APP: variants seen among roughly 807,000 people sequenced by gnomAD.
The protein encoded by APP is amyloid-beta precursor protein.
APP carries 31 observed loss-of-function variants against 101.4 expected under a neutral mutation model. That is an observed-to-expected ratio of 0.31 (90% CI 0.23 to 0.41). The LOEUF (loss-of-function observed/expected upper bound fraction) is 0.41. APP is among the 10% of genes least tolerant of loss of function. APP has a pLI of 1.00. For missense variants in APP, 839 were observed against 1,003.7 expected, an observed-to-expected ratio of 0.84 and a Z score of 2.22; for synonymous variants, 366 against 364.4, an observed-to-expected ratio of 1.00 and a Z score of -0.05.
At chr21:25,973,135 A>G (rs2042095065) in intron 11 of APP, among the ~76,000 whole-genome samples, 1 of 151,740 alleles carries the variant, frequency 6.6e-6, no homozygotes, top group African/African-American at 2.4e-5. Context: ...AAGAGATAAA[A>G]TAGAATCATA....
intron 2 of APP, among the ~76,000 whole-genome samples, chr21:26,107,310 A>C (rs996636419): frequency 1.1e-4 from 17 of 152,298 alleles, no homozygotes; most frequent in Non-Finnish European, 2.4e-4. Context: ...ATGCAACTCA[A>C]GTGTGCTGGG....
intron 8 of APP, among the ~76,000 whole-genome samples, chr21:25,989,613 C>G (rs1313915354): frequency 6.6e-6 from 1 of 152,180 alleles, no homozygotes; most frequent in Admixed American, 6.5e-5. Context: ...ATATTAGATT[C>G]TAACAAGAAA....
chr21:25,898,529 C>T (rs2038230454), intron 15 of APP, among the ~76,000 whole-genome samples: 1 of 152,202 alleles, frequency 6.6e-6, no homozygotes, highest in Non-Finnish European at 1.5e-5. Context: ...CTTTTGAAGT[C>T]ATCTTCTCTA....
intron 13 of APP, among the ~76,000 whole-genome samples, chr21:25,928,523 A>C (rs1433638224): frequency 6.6e-6 from 1 of 152,200 alleles, no homozygotes; most frequent in Non-Finnish European, 1.5e-5. Context: ...TATGTCTGCA[A>C]CTTCCTTTAA....
intron 13 of APP, among the ~76,000 whole-genome samples, chr21:25,923,677 T>G (rs2039734234): frequency 7.3e-6 from 1 of 137,920 alleles, no homozygotes; most frequent in African/African-American, 2.8e-5. Context: ...AAAACCACTA[T>G]GAGATATCAT....
intron 3 of APP, among the ~76,000 whole-genome samples, chr21:26,081,454 C>T (rs947616454): frequency 3.3e-5 from 5 of 152,130 alleles, no homozygotes; most frequent in African/African-American, 1.2e-4. Flanking sequence ...CCAGGATGAG[C>T]CAGAAGAAGG....
chr21:26,170,872 A>T, upstream of APP: 2 of 399,026 alleles, frequency 5.0e-6, no homozygotes, highest in Non-Finnish European at 8.8e-6. Context: ...CCGCCGGGGA[A>T]CTGCGCCCGC....
At chr21:25,984,299 A>G (rs1274646682) in intron 8 of APP, among the ~76,000 whole-genome samples, 1 of 152,190 alleles carries the variant, frequency 6.6e-6, no homozygotes, top group Admixed American at 6.5e-5. Flanking sequence ...AAGAAAATAC[A>G]AACTAACAAA....
chr21:25,954,762 CTTTTTTTT>C, intron 12 of APP, 73 bp from the exon 13 acceptor site: 4 of 1,150,658 alleles, frequency 3.5e-6, no homozygotes, highest in Non-Finnish European at 4.9e-6. Flanking sequence ...TTCTTTTTTT[CTTTTTTTT>C]TTGAGACGGA....
At chr21:25,975,508 C>G (rs2042192003) in intron 10 of APP, among the ~76,000 whole-genome samples, 3 of 151,986 alleles carry the variant, frequency 2.0e-5, no homozygotes, top group Non-Finnish European at 4.4e-5. Context: ...TAAATATATG[C>G]ACTCTTGAAA....
At chr21:26,154,139 T>C (rs750829102) in intron 1 of APP, among the ~76,000 whole-genome samples, 4 of 152,198 alleles carry the variant, frequency 2.6e-5, no homozygotes, top group Non-Finnish European at 5.9e-5. Flanking sequence ...ATACTTTAAG[T>C]GTAACTGGGT....
At chr21:26,131,410 C>T (rs1313314392) in intron 1 of APP, among the ~76,000 whole-genome samples, 1 of 152,112 alleles carries the variant, frequency 6.6e-6, no homozygotes, top group Non-Finnish European at 1.5e-5. Context: ...AACGTTTTTC[C>T]TTTAAGACAA....
chr21:25,995,621 A>G (rs553463218), intron 8 of APP, among the ~76,000 whole-genome samples: 1 of 152,312 alleles, frequency 6.6e-6, no homozygotes, highest in South Asian at 2.1e-4. Flanking sequence ...GCTCGGTACA[A>G]TGCAACTCAA....
chr21:25,975,264 A>AT, intron 10 of APP, 36 bp from the exon 11 acceptor site: 1 of 1,613,890 alleles, frequency 6.2e-7, no homozygotes, highest in Non-Finnish European at 8.5e-7. Context: ...TGGGGACTGA[A>AT]TAAGTAGGAT....
chr21:26,018,179 A>G (rs1484208749), intron 6 of APP, among the ~76,000 whole-genome samples: 1 of 152,168 alleles, frequency 6.6e-6, no homozygotes, highest in Admixed American at 6.5e-5. Context: ...CGGGTTATGA[A>G]ATTATTGAGT....
At chr21:26,166,424 G>T (rs1210406478) in intron 1 of APP, among the ~76,000 whole-genome samples, 1 of 151,930 alleles carries the variant, frequency 6.6e-6, no homozygotes, top group East Asian at 1.9e-4. Context: ...CCATACATTT[G>T]CATCTGAGCT....
intron 17 of APP, among the ~76,000 whole-genome samples, chr21:25,887,805 G>C (rs749776084): frequency 6.6e-6 from 1 of 152,146 alleles, no homozygotes; most frequent in Non-Finnish European, 1.5e-5. Flanking sequence ...GTGTAGCCCA[G>C]GTGTGTAGCA....
chr21:25,903,586 A>G (rs971650945), intron 15 of APP, among the ~76,000 whole-genome samples: 5 of 152,056 alleles, frequency 3.3e-5, no homozygotes, highest in African/African-American at 4.8e-5. Flanking sequence ...AGCACCATGA[A>G]AAAAGTCCCA....
intron 9 of APP, among the ~76,000 whole-genome samples, chr21:25,981,092 G>A (rs1479522070): frequency 1.3e-5 from 2 of 152,158 alleles, no homozygotes; most frequent in African/African-American, 2.4e-5. Context: ...TTGGGAGTAA[G>A]GAGCTTTTGA....
Sources: gnomAD v4.1 joint callset for allele counts (sites outside exome capture counted in the v4.1 genomes callset) on GRCh38, gnomAD v4.1.1 for gene constraint, MANE v1.5 for transcripts, NCBI Gene and HGNC (gene_info 2026-07-23, HGNC 2026-07-21) for gene names.